DDX24: variants seen among roughly 807,000 people sequenced by gnomAD.
The protein encoded by DDX24 is ATP-dependent RNA helicase DDX24.
DDX24 carries 24 observed loss-of-function variants against 68.9 expected under a neutral mutation model. The observed-to-expected ratio is 0.35, with a 90% CI of 0.25 to 0.49. The LOEUF is 0.49. Among genes scored for constraint, DDX24 ranks in the 20% least tolerant of loss-of-function variants. DDX24 has a pLI of 0.99. For missense variants in DDX24, 989 were observed against 1,039.0 expected, an observed-to-expected ratio of 0.95 and a Z score of 0.66; for synonymous variants, 395 against 385.2, an observed-to-expected ratio of 1.03 and a Z score of -0.30.
At chr14:94,071,263 A>G (rs908561540) in intron 2 of DDX24, among the ~76,000 whole-genome samples, 7 of 152,254 alleles carry the variant, frequency 4.6e-5, no homozygotes, top group African/African-American at 1.7e-4. Context: ...AATGCTCAAC[A>G]TCACTAATGA....
chr14:94,072,050 C>G (rs914745202), intron 2 of DDX24, among the ~76,000 whole-genome samples: 1 of 152,126 alleles, frequency 6.6e-6, no homozygotes, highest in Non-Finnish European at 1.5e-5. Flanking sequence ...CGTGGAGATT[C>G]CTTAAAGAAC....
intron 2 of DDX24, among the ~76,000 whole-genome samples, chr14:94,063,573 T>C (rs1885639127): frequency 6.6e-6 from 1 of 152,248 alleles, no homozygotes; most frequent in South Asian, 2.1e-4. Context: ...AATGAAAATC[T>C]GGATGTACCC....
At position 94,052,716 on chromosome 14, in the gene DDX24, T is replaced by C. The variant is rs139457067; in HGVS notation, c.2308+282A>G. On this transcript the variant is annotated intron_variant, in intron 8 of 8. Transcript: ENST00000621632. ...ACATAGTTAAGGCAATGAGCCGGCA[T>C]TCTAACACAGGCAGCCTGGCCAGAG... Among the ~76,000 whole-genome samples the C allele has an allele frequency of 5.6e-3, 847 of 152,308 alleles. 5 individuals carry two copies. Among genetic ancestry groups the C allele is most frequent in the Non-Finnish European group, 8.8e-3 (600 of 68,022 alleles).
At chr14:94,053,964 T>TCTAA (rs1885443830) in intron 7 of DDX24, among the ~76,000 whole-genome samples, 1 of 152,220 alleles carries the variant, frequency 6.6e-6, no homozygotes, top group South Asian at 2.1e-4. Context: ...TGTGTACACA[T>TCTAA]CTAAACACAA....
At chr14:94,078,533 A>G (rs768658674) in intron 2 of DDX24, among the ~76,000 whole-genome samples, 1 of 152,098 alleles carries the variant, frequency 6.6e-6, no homozygotes, top group Non-Finnish European at 1.5e-5. Context: ...ATGACAAGAA[A>G]CTCATCAACT....
intron 2 of DDX24, among the ~76,000 whole-genome samples, chr14:94,073,086 CT>C (rs10716706): frequency 0.36 from 44,449 of 125,138 alleles, 6,093 homozygotes; most frequent in Middle Eastern, 0.41. Flanking sequence ...ATTTTCTTTT[CT>C]TTTTTTTTTT....
chr14:94,067,332 G>C (rs1262315938), intron 2 of DDX24, among the ~76,000 whole-genome samples: 1 of 152,058 alleles, frequency 6.6e-6, no homozygotes, highest in African/African-American at 2.4e-5. Context: ...TAAGAAGTCT[G>C]GGATTATGTT....
intron 5 of DDX24, among the ~76,000 whole-genome samples, chr14:94,059,271 GGCCCTCATCTTGACAATCT>G (rs947680207): frequency 6.6e-6 from 1 of 152,190 alleles, no homozygotes; most frequent in East Asian, 1.9e-4. Context: ...CAACTTTCCA[GGCCCTCATCTTGACAATCT>G]GCACCCCATT....
At chr14:94,077,870 TAAA>T (rs34265498) in intron 2 of DDX24, among the ~76,000 whole-genome samples, 4 of 145,084 alleles carry the variant, frequency 2.8e-5, no homozygotes, top group Non-Finnish European at 4.6e-5. Context: ...GAAAATTTAG[TAAA>T]AAAAAAAAAA....
At position 94,065,418 on chromosome 14, in the gene DDX24, A is replaced by C. The variant is rs547820493; in HGVS notation, c.719-2797T>G. 1.6e-4 allele frequency among the ~76,000 whole-genome samples: 15 copies of C among 92,114 alleles called. No individual in the cohort carries two copies. In the South Asian group the frequency reaches 4.2e-3, roughly 26 times the overall value. The allele number at this position is 92,114 out of a possible 152,430, so 60.4% of individuals were successfully genotyped here. A position where few individuals can be genotyped will look rare whatever the true frequency, so the allele number is the denominator to read the frequency against. Reference sequence around the variant, plus strand: ...ACACACACACACAAATTCAGTGCCAAAGAAGGAAACAAAGAAGAGCTGGGA... The same window carrying C: ...ACACACACACACAAATTCAGTGCCACAGAAGGAAACAAAGAAGAGCTGGGA... On this transcript the variant is annotated intron_variant, in intron 2 of 8. Transcript: ENST00000621632.
intron 5 of DDX24, among the ~76,000 whole-genome samples, chr14:94,059,495 A>C (rs1418869415): frequency 2.0e-5 from 3 of 152,244 alleles, no homozygotes; most frequent in Non-Finnish European, 4.4e-5. Context: ...TAATGGTAAT[A>C]AGTAGTAAAG....
Position 94,048,852 on chromosome 14 carries a change from G to A in DDX24, c.*2339C>T, listed in dbSNP as rs1186523045. ...GTGGCTTCCAGGGGCCCCAGGCCCT[G>A]CTGGATGTGGGCCAAGCCCTACAGC... is the stretch of plus-strand genomic sequence containing the variant. On this transcript the variant is annotated 3_prime_UTR_variant, in exon 9 of 9. Transcript: ENST00000621632. 6.6e-6 allele frequency: 1 copy of A among 152,290 alleles called. No individual in the cohort carries two copies. The allele number at this position is 152,290 out of a possible 1,614,324, so 9.4% of individuals were successfully genotyped here.
At chr14:94,051,583 G>T in intron 8 of DDX24, 121 bp from the exon 9 acceptor site, 1 of 1,354,200 alleles carries the variant, frequency 7.4e-7, no homozygotes. Context: ...GGGTTCAAAA[G>T]TTCTCTGAAG....
rs192851772 is a variant in DDX24, at chr14:94,071,582, G to A, written c.718+7443C>T. ...GGAGAATCACTTGAACCTGGGAAGC[G>A]GAGGTTGCAGTGAGCCAAGATTGTG... On this transcript the variant is annotated intron_variant, in intron 2 of 8. Transcript: ENST00000621632. Among the ~76,000 whole-genome samples, 83 of 152,026 alleles carry A rather than the reference G, an allele frequency of 5.5e-4. No individual in the cohort carries two copies. The East Asian group carries it at 8.7e-3, about 16-fold the overall frequency.
chr14:94,058,252 G>A (rs1885526949), intron 5 of DDX24, among the ~76,000 whole-genome samples: 1 of 152,154 alleles, frequency 6.6e-6, no homozygotes, highest in African/African-American at 2.4e-5. Context: ...GTGGCACACA[G>A]ACTTCCTTGC....
In DDX24 at chr14:94,062,480, G is replaced by A; in HGVS notation, c.860C>T (p.Ser287Leu). Residue 287 changes from serine to leucine, a missense_variant, in exon 3 of 9, where the codon TCA (serine) becomes TTA (leucine). By Grantham distance (145) the Ser-to-Leu change is moderately radical. Transcript: ENST00000621632. Reference sequence around the variant, plus strand: ...AGACTCAGCTTCAGCCTTGCCTGGTGATCTAGTCTCAGCTCCGGCCTCAGT... The same window carrying A: ...AGACTCAGCTTCAGCCTTGCCTGGTAATCTAGTCTCAGCTCCGGCCTCAGT... ...TRTEAGAETR[S>L]PGKAEAESDA... is the part of the protein sequence containing the mutation. 6.2e-7 allele frequency: 1 copy of A among 1,614,128 alleles called. No homozygotes were observed. The highest frequency in any genetic ancestry group is 8.5e-7 in the Non-Finnish European group (1 of 1,180,028).
intron 5 of DDX24, among the ~76,000 whole-genome samples, chr14:94,058,279 C>T (rs976835092): frequency 6.6e-6 from 1 of 152,144 alleles, no homozygotes; most frequent in African/African-American, 2.4e-5. Flanking sequence ...CCAAACAAAC[C>T]AAGCATGCTC....
At chr14:94,057,487 T>G (rs1885512954) in intron 6 of DDX24, 2 of 243,652 alleles carry the variant, frequency 8.2e-6, no homozygotes, top group African/African-American at 2.2e-5. Flanking sequence ...CAGAGAGATC[T>G]AAACTACCAC....
Position 94,079,105 on chromosome 14 carries a change from G to A in DDX24, c.638C>T (p.Ser213Phe), listed in dbSNP as rs1271008533. The change falls in exon 2 of 9, where the codon TCT becomes TTT. Residue 213 changes from serine (S) to phenylalanine (F), a missense_variant. Ser to Phe is a radical substitution (Grantham distance 155). Coordinates refer to ENST00000621632, the MANE Select transcript of DDX24 (RefSeq NM_020414.4). ...CAGGGCTTGGATTGGTGTGGGTGCA[G>A]AGAAGCCTAGAAAGCTGAGTGCTCG... ...VLRALSFLGFSAPTPIQALTL... is the reference protein window; with the variant it reads ...VLRALSFLGFFAPTPIQALTL... The A allele has an allele frequency of 6.2e-7, 1 of 1,614,210 alleles. No individual in the cohort carries two copies. The highest frequency in any genetic ancestry group is 8.5e-7 in the Non-Finnish European group (1 of 1,180,036).
Sources: allele counts gnomAD v4.1 joint callset (sites outside exome capture counted in the v4.1 genomes callset), GRCh38; gene constraint gnomAD v4.1.1; transcripts MANE v1.5; gene names NCBI Gene and HGNC (gene_info 2026-07-23, HGNC 2026-07-21).